Variants in EXT1 observed in about 807,000 individuals in gnomAD.
EXT1 encodes the protein exostosin glycosyltransferase 1.
In EXT1, 20 loss-of-function variants were observed where a neutral mutation model predicts 82.5. The ratio of observed to expected loss-of-function variants is 0.24; its 90% CI spans 0.17 to 0.35. EXT1 has a LOEUF of 0.35. EXT1 is among the 10% of genes least tolerant of loss of function. The pLI, the probability that EXT1 is intolerant of heterozygous loss-of-function variation, is 1.00. For synonymous variants in EXT1, 348 were observed against 350.8 expected, an observed-to-expected ratio of 0.99 and a Z score of 0.09; for missense variants, 757 against 936.5, an observed-to-expected ratio of 0.81 and a Z score of 2.50.
intron 1 of EXT1, among the ~76,000 whole-genome samples, chr8:117,911,239 G>T (rs1813641645): frequency 6.6e-6 from 1 of 152,202 alleles, no homozygotes; most frequent in Non-Finnish European, 1.5e-5. Context: ...GGCAGGAAAA[G>T]ATCATAAATA....
chr8:118,063,410 C>T (rs1354355406), intron 1 of EXT1, among the ~76,000 whole-genome samples: 1 of 152,118 alleles, frequency 6.6e-6, no homozygotes. Flanking sequence ...ATTTTTCCAC[C>T]TCCCACAAAA....
chr8:117,978,601 A>G (rs1000157756), intron 1 of EXT1, among the ~76,000 whole-genome samples: 1 of 152,226 alleles, frequency 6.6e-6, no homozygotes, highest in East Asian at 1.9e-4. Flanking sequence ...TGGATGACCT[A>G]TATAGGAATA....
chr8:117,942,396 T>C (rs1285483391), intron 1 of EXT1, among the ~76,000 whole-genome samples: 1 of 152,118 alleles, frequency 6.6e-6, no homozygotes, highest in African/African-American at 2.4e-5. Context: ...GCACAGAGGC[T>C]GGTAGGAGTA....
chr8:117,853,636 T>C (rs1406805710), intron 1 of EXT1, among the ~76,000 whole-genome samples: 2 of 152,218 alleles, frequency 1.3e-5, no homozygotes, highest in South Asian at 2.1e-4. Context: ...TAATGAAAGA[T>C]ACTTCAAGTT....
At chr8:118,087,224 A>AT (rs1028546222) in intron 1 of EXT1, among the ~76,000 whole-genome samples, 1 of 152,026 alleles carries the variant, frequency 6.6e-6, no homozygotes, top group Admixed American at 6.6e-5. Flanking sequence ...CACACTCTGA[A>AT]TTTTTTTTCC....
chr8:117,812,679 A>G (rs1718359952), intron 8 of EXT1, among the ~76,000 whole-genome samples, 193 bp downstream of exon 8: 1 of 152,158 alleles, frequency 6.6e-6, no homozygotes, highest in South Asian at 2.1e-4. Flanking sequence ...CAAAGGGGAG[A>G]TGCCCGCCTC....
At chr8:117,926,400 G>A (rs1431478475) in intron 1 of EXT1, among the ~76,000 whole-genome samples, 1 of 152,134 alleles carries the variant, frequency 6.6e-6, no homozygotes, top group Non-Finnish European at 1.5e-5. Flanking sequence ...CCCAGAGAGG[G>A]CCTCTTCCAT....
intron 1 of EXT1, among the ~76,000 whole-genome samples, chr8:117,926,558 A>G (rs904241207): frequency 1.3e-5 from 2 of 152,254 alleles, no homozygotes; most frequent in African/African-American, 4.8e-5. Flanking sequence ...ACAAAAAGTC[A>G]TTAATTGCCA....
At chr8:117,925,907 T>C (rs1403385030) in intron 1 of EXT1, among the ~76,000 whole-genome samples, 1 of 151,770 alleles carries the variant, frequency 6.6e-6, no homozygotes, top group Non-Finnish European at 1.5e-5. Context: ...CAAAAACAAA[T>C]GAACAAACAA....
chr8:117,871,143 G>T (rs545624129), intron 1 of EXT1, among the ~76,000 whole-genome samples: 141 of 152,210 alleles, frequency 9.3e-4, no homozygotes, highest in Non-Finnish European at 1.3e-3. Context: ...TCCCTAATCT[G>T]CCCTTGTTTA....
intron 1 of EXT1, among the ~76,000 whole-genome samples, chr8:117,892,923 G>A (rs1749415834): frequency 6.6e-6 from 1 of 152,232 alleles, no homozygotes; most frequent in Non-Finnish European, 1.5e-5. Context: ...GGGGAAAACT[G>A]CAGAAGCAAC....
At chr8:118,082,249 C>G (rs939040610) in intron 1 of EXT1, among the ~76,000 whole-genome samples, 10 of 152,086 alleles carry the variant, frequency 6.6e-5, no homozygotes, top group Non-Finnish European at 8.8e-5. Context: ...TTAACTGAGG[C>G]CTGTTGTATC....
intron 1 of EXT1, among the ~76,000 whole-genome samples, chr8:118,011,084 AT>A (rs143471130): frequency 0.023 from 3,557 of 152,280 alleles, 49 homozygotes; most frequent in Non-Finnish European, 0.027. Context: ...AGCTATGGCT[AT>A]TTGTCAGCAT....
chr8:118,021,220 C>T (rs764206625), intron 1 of EXT1, among the ~76,000 whole-genome samples: 3 of 152,134 alleles, frequency 2.0e-5, no homozygotes, highest in African/African-American at 4.8e-5. Flanking sequence ...TCTATGAATA[C>T]GCTTTTCATA....
At chr8:117,924,811 G>A (rs1813923366) in intron 1 of EXT1, among the ~76,000 whole-genome samples, 1 of 152,150 alleles carries the variant, frequency 6.6e-6, no homozygotes, top group Non-Finnish European at 1.5e-5. Context: ...CAGTTCAAAA[G>A]GAATCTTATA....
Position 117,819,886 on chromosome 8 carries a change from C to A in EXT1, c.1418-92G>T. 6.9e-6 allele frequency: 8 copies of A among 1,158,018 alleles called. No homozygotes were observed. The South Asian group carries it at 9.1e-5, about 13-fold the overall frequency. 71.7% of individuals were successfully genotyped at this position (1,158,018 alleles called of 1,614,324 possible). On this transcript the variant is annotated intron_variant, in intron 5 of 10. Transcript: ENST00000378204. ...CTTGCTCCGCTGCCTCATGCTGGAG[C>A]AAATGTTCCCTCCTGGATGATTTCT...
chr8:117,987,865 A>T (rs1168909543), intron 1 of EXT1, among the ~76,000 whole-genome samples: 1 of 152,160 alleles, frequency 6.6e-6, no homozygotes, highest in Non-Finnish European at 1.5e-5. Flanking sequence ...AGGCGGAAGG[A>T]TCGCTTGGAC....
intron 1 of EXT1, among the ~76,000 whole-genome samples, chr8:118,065,042 G>A (rs1377977158): frequency 1.3e-5 from 2 of 151,796 alleles, no homozygotes; most frequent in East Asian, 3.9e-4. Context: ...TAGTAGAGAT[G>A]GGGTTTCACT....
chr8:117,869,330 G>A (rs1054759029), intron 1 of EXT1, among the ~76,000 whole-genome samples: 12 of 152,300 alleles, frequency 7.9e-5, no homozygotes, highest in South Asian at 2.1e-4. Flanking sequence ...TTTGTTTGGC[G>A]CAGAGGATTG....
Sources: allele counts gnomAD v4.1 joint callset (sites outside exome capture counted in the v4.1 genomes callset), GRCh38; gene constraint gnomAD v4.1.1; transcripts MANE v1.5; gene names NCBI Gene and HGNC (gene_info 2026-07-23, HGNC 2026-07-21).